The following ARHGAP20 variants were observed in gnomAD, a reference collection of about 807,000 sequenced individuals.
ARHGAP20 encodes the protein Rho GTPase activating protein 20.
Under a neutral mutation model 73.7 loss-of-function variants are expected in ARHGAP20, and 34 were observed. That is an observed-to-expected ratio of 0.46 (90% CI 0.35 to 0.61). The LOEUF (loss-of-function observed/expected upper bound fraction) is 0.61. Ranked by LOEUF, ARHGAP20 falls within the 20% of genes least tolerant of loss-of-function variation. The probability of loss-of-function intolerance (pLI) is 0.00; values close to 1 mark genes in which losing one functional copy is unlikely to be tolerated. For synonymous variants in ARHGAP20, 523 were observed against 518.2 expected, an observed-to-expected ratio of 1.01 and a Z score of -0.13; for missense variants, 1,314 against 1,420.9, an observed-to-expected ratio of 0.92 and a Z score of 1.21.
rs374122138 is a variant in ARHGAP20, at chr11:110,592,061, C to A, written c.1059G>T (p.Ser353=). The change falls in exon 10 of 15, where the codon TCG becomes TCT. Residue 353 remains serine, a synonymous_variant. Transcript: ENST00000683387. ...GCTGTCCTGGCATAGGTGATGTTGG[C>A]GATGAGGGCAAGTTGTCCAGGTGAG... ...SSTHLDNLPS[S]PTSPMPGQLF... 14 of 1,614,070 alleles carry A rather than the reference C, an allele frequency of 8.7e-6. No homozygotes were observed. Among genetic ancestry groups the A allele is most frequent in the Non-Finnish European group, 1.1e-5 (13 of 1,179,968 alleles).
In ARHGAP20 at chr11:110,606,588, G is replaced by A. The variant is rs774143259; in HGVS notation, c.937C>T (p.Arg313Cys). 8.1e-6 allele frequency: 13 copies of A among 1,610,872 alleles called. No homozygotes were observed. The highest frequency in any genetic ancestry group is 9.3e-6 in the Non-Finnish European group (11 of 1,178,920). The change falls in exon 9 of 15, where the codon CGC (arginine) becomes TGC (cysteine). Residue 313 changes from arginine to cysteine, a missense_variant. By Grantham distance (180) the Arg-to-Cys change is radical (BLOSUM62 -3). Transcript: ENST00000683387. The stretch of plus-strand genomic sequence containing the variant: ...CTCAGTTGCTGGGCTGCAGCCAGGC[G>A]GCTGGGCTTCAGGATGAACTGGCAC... The part of the protein sequence containing the change: ...MQCQFILKPS[R>C]LAAAQQLSDS...
intron 4 of ARHGAP20, among the ~76,000 whole-genome samples, chr11:110,620,326 T>G (rs1048527946): frequency 6.6e-6 from 1 of 152,138 alleles, no homozygotes; most frequent in Admixed American, 6.5e-5. Flanking sequence ...ATATTTTGAC[T>G]TTTTTGTAGA....
chr11:110,628,159 A>C (rs1356390291), intron 3 of ARHGAP20, among the ~76,000 whole-genome samples: 1 of 152,192 alleles, frequency 6.6e-6, no homozygotes, highest in Non-Finnish European at 1.5e-5. Context: ...GGCCCAACCT[A>C]AGGACTGAAA....
intron 6 of ARHGAP20, among the ~76,000 whole-genome samples, chr11:110,613,555 C>T (rs888124289): frequency 7.9e-5 from 12 of 151,946 alleles, no homozygotes; most frequent in Admixed American, 7.9e-4. Context: ...TTCCATATAC[C>T]GAAAAGAAAG....
chr11:110,710,802 C>T (rs1387673794), intron 1 of ARHGAP20, among the ~76,000 whole-genome samples: 2 of 152,222 alleles, frequency 1.3e-5, no homozygotes, highest in African/African-American at 4.8e-5. Flanking sequence ...CTCTCTTCAA[C>T]TGACCTCTAG....
chr11:110,684,254 T>C (rs1381567035), intron 2 of ARHGAP20, among the ~76,000 whole-genome samples: 1 of 152,134 alleles, frequency 6.6e-6, no homozygotes, highest in African/African-American at 2.4e-5. Context: ...ATTCAGAGTA[T>C]ATATACAGAA....
chr11:110,578,383 T>C lies in ARHGAP20; in HGVS notation c.*987A>G. The C allele has an allele frequency of 7.1e-6, 7 of 985,426 alleles. No individual in the cohort carries two copies. The highest frequency in any genetic ancestry group is 8.4e-6 in the Non-Finnish European group (7 of 829,936). The allele number at this position is 985,426 out of a possible 1,614,324, so 61.0% of individuals were successfully genotyped here. On this transcript the variant is annotated 3_prime_UTR_variant, in exon 15 of 15. Transcript: ENST00000683387. ...AATCAGAAAAGGGATGATTTATAAG[T>C]ATGTTTTTCTGGCTGACTGTAATCT... is the stretch of plus-strand genomic sequence containing the variant.
chr11:110,578,381 A>G lies in ARHGAP20; in HGVS notation c.*989T>C, dbSNP rs1405581106. ...AAAATCAGAAAAGGGATGATTTATA[A>G]GTATGTTTTTCTGGCTGACTGTAAT... On this transcript the variant is annotated 3_prime_UTR_variant, in exon 15 of 15. Transcript: ENST00000683387. 5 of 985,342 alleles carry G rather than the reference A, an allele frequency of 5.1e-6. No homozygotes were observed. The highest frequency in any genetic ancestry group is 6.0e-6 in the Non-Finnish European group (5 of 829,940). 61.0% of individuals were successfully genotyped at this position (985,342 alleles called of 1,614,324 possible).
At chr11:110,644,411 C>T (rs1416135703) in intron 2 of ARHGAP20, among the ~76,000 whole-genome samples, 1 of 152,130 alleles carries the variant, frequency 6.6e-6, no homozygotes, top group Non-Finnish European at 1.5e-5. Flanking sequence ...AACCATACTA[C>T]AAGATCGCAA....
rs771954026 is a variant in ARHGAP20 at position 110,580,241 on chromosome 11, C to A, written c.2705G>T (p.Ser902Ile). The A allele has an allele frequency of 6.2e-7, 1 of 1,614,222 alleles. No individual in the cohort carries two copies. Among genetic ancestry groups the A allele is most frequent in the Non-Finnish European group, 8.5e-7 (1 of 1,180,042 alleles). The change falls in exon 15 of 15, where the codon AGT becomes ATT. Residue 902 changes from serine to isoleucine, a missense_variant. Transcript: ENST00000683387. ...GCCCACCTCAATCCCCATGACTAAA[C>A]TCTGATTAATGAGCTTCTGCCCCTC... ...QMEGQKLINQ[S>I]LVMGIEVGKS...
At chr11:110,706,246 A>G (rs750595124) in intron 1 of ARHGAP20, among the ~76,000 whole-genome samples, 6 of 152,148 alleles carry the variant, frequency 3.9e-5, no homozygotes, top group Non-Finnish European at 5.9e-5. Flanking sequence ...AGTCTCGTTG[A>G]AAAGAGAAAT....
rs1947374449 is a variant in ARHGAP20, at chr11:110,579,441, C to T, written c.3505G>A (p.Ala1169Thr). Residue 1169 changes from alanine (A) to threonine (T), a missense_variant, in exon 15 of 15, where the codon GCG becomes ACG. Ala to Thr is a moderately conservative substitution (Grantham distance 58). Coordinates refer to ENST00000683387, the MANE Select transcript of ARHGAP20 (RefSeq NM_001384657.1). ...ASASSWTLED[A>T]TSPDSGPTVV... ...GTAGGCCCTGAGTCTGGGCTGGTCG[C>T]ATCCTCTAGAGTCCAAGAGCTGGCT... The T allele has an allele frequency of 1.2e-6, 2 of 1,614,110 alleles. No homozygotes were observed. The highest frequency in any genetic ancestry group is 1.7e-6 in the Non-Finnish European group (2 of 1,179,952).
chr11:110,663,171 T>C (rs552884378), intron 2 of ARHGAP20, among the ~76,000 whole-genome samples: 1 of 150,930 alleles, frequency 6.6e-6, no homozygotes, highest in South Asian at 2.1e-4. Context: ...GTGCAAAATA[T>C]GAAAAGTAAT....
chr11:110,667,552 A>C (rs1265787114), intron 2 of ARHGAP20, among the ~76,000 whole-genome samples: 1 of 152,196 alleles, frequency 6.6e-6, no homozygotes, highest in South Asian at 2.1e-4. Context: ...GGTTGTTTTC[A>C]TGCTGGCTAA....
At chr11:110,682,952 C>A (rs988261187) in intron 2 of ARHGAP20, among the ~76,000 whole-genome samples, 3 of 152,046 alleles carry the variant, frequency 2.0e-5, no homozygotes, top group East Asian at 1.9e-4. Flanking sequence ...TTCTCTTATA[C>A]CACAATTCTT....
At chr11:110,608,943 A>C (rs369490758) in intron 8 of ARHGAP20, 41 bp downstream of exon 8, 29 of 1,538,406 alleles carry the variant, frequency 1.9e-5, no homozygotes, top group Non-Finnish European at 2.6e-5. Flanking sequence ...ATTATAATTA[A>C]AACACAATCA....
At chr11:110,608,299 A>G (rs1367296718) in intron 8 of ARHGAP20, among the ~76,000 whole-genome samples, 7 of 152,216 alleles carry the variant, frequency 4.6e-5, no homozygotes, top group Non-Finnish European at 5.9e-5. Flanking sequence ...TAATTGTTCT[A>G]TTTCTGTTAA....
chr11:110,621,478 C>A (rs1948629426), intron 4 of ARHGAP20, among the ~76,000 whole-genome samples: 1 of 151,770 alleles, frequency 6.6e-6, no homozygotes, highest in South Asian at 2.1e-4. Flanking sequence ...CCTCAGATTA[C>A]ACAATTTGTA....
At chr11:110,660,061 C>CAAAAAA in intron 2 of ARHGAP20, among the ~76,000 whole-genome samples, 1 of 69,258 alleles carries the variant, frequency 1.4e-5, no homozygotes, top group Middle Eastern at 9.4e-3. Context: ...TAATAAAAAA[C>CAAAAAA]AAAAAAAAAA....
Sources: allele counts gnomAD v4.1 joint callset (sites outside exome capture counted in the v4.1 genomes callset), GRCh38; gene constraint gnomAD v4.1.1; transcripts MANE v1.5; gene names NCBI Gene and HGNC (gene_info 2026-07-23, HGNC 2026-07-21).